WARS1: variants seen among roughly 807,000 people sequenced by gnomAD.
The protein encoded by WARS1 is tryptophan--tRNA ligase, cytoplasmic.
WARS1 carries 17 observed loss-of-function variants against 47.8 expected under a neutral mutation model. The observed-to-expected ratio is 0.36, with a 90% CI of 0.24 to 0.53. The LOEUF (loss-of-function observed/expected upper bound fraction) is 0.53, where lower values mean the gene tolerates loss of function less well. Among genes scored for constraint, WARS1 ranks in the 20% least tolerant of loss-of-function variants. The pLI is 0.91. For synonymous variants in WARS1, 208 were observed against 228.1 expected, an observed-to-expected ratio of 0.91 and a Z score of 0.79; for missense variants, 434 against 608.0, an observed-to-expected ratio of 0.71 and a Z score of 3.01.
chr14:100,334,882 A>G lies in WARS1; in HGVS notation c.1409T>C (p.Phe470Ser), dbSNP rs1227783893. ...GCATATGTAAAACGAGTGCTACTGA[A>G]AGTCGAAGGACAGCTTCCGGGGAGT... The part of the protein sequence containing the change: ...FMTPRKLSFD[F>S]Q The change falls in exon 11 of 11, where the codon TTT (phenylalanine) becomes TCT (serine). Residue 470 changes from phenylalanine to serine, a missense_variant. By Grantham distance (155) the Phe-to-Ser change is radical (BLOSUM62 -2). Coordinates refer to ENST00000392882, the MANE Select transcript of WARS1 (RefSeq NM_004184.4). 10 of 1,613,802 alleles carry G rather than the reference A, an allele frequency of 6.2e-6. No individual in the cohort carries two copies. The highest frequency in any genetic ancestry group is 7.6e-6 in the Non-Finnish European group (9 of 1,179,880).
chr14:100,375,896 G>A (rs930745040), upstream of WARS1: 1 of 152,268 alleles, frequency 6.6e-6, no homozygotes, highest in Admixed American at 6.5e-5. Flanking sequence ...TCTGTGGAAT[G>A]GGCATGGAGA....
At chr14:100,364,096 T>C (rs1895812823) in intron 2 of WARS1, among the ~76,000 whole-genome samples, 1 of 152,200 alleles carries the variant, frequency 6.6e-6, no homozygotes, top group Non-Finnish European at 1.5e-5. Context: ...TACACAGGTG[T>C]GGTCATTTTG....
chr14:100,341,507 T>C (rs1432873998), intron 9 of WARS1, among the ~76,000 whole-genome samples: 1 of 152,138 alleles, frequency 6.6e-6, no homozygotes, highest in Non-Finnish European at 1.5e-5. Context: ...ATGCCTCAAA[T>C]ACAGTTCCCA....
chr14:100,354,226 C>G, intron 5 of WARS1: 1 of 562,058 alleles, frequency 1.8e-6, no homozygotes, highest in Non-Finnish European at 3.0e-6. Context: ...AGAAGAGGAG[C>G]AGGCCTGGCT....
chr14:100,357,177 G>A (rs1895372632), intron 4 of WARS1, among the ~76,000 whole-genome samples: 2 of 152,160 alleles, frequency 1.3e-5, no homozygotes, highest in Non-Finnish European at 2.9e-5. Context: ...ACTAAATGGT[G>A]TATATTCAGT....
At chr14:100,358,538 G>A (rs1184378246) in intron 4 of WARS1, among the ~76,000 whole-genome samples, 1 of 152,132 alleles carries the variant, frequency 6.6e-6, no homozygotes, top group Non-Finnish European at 1.5e-5. Flanking sequence ...ACTCAAAAAG[G>A]ATCAGAAACT....
At chr14:100,338,982 T>C (rs151187126) in intron 9 of WARS1, among the ~76,000 whole-genome samples, 2,467 of 151,766 alleles carry the variant, frequency 0.016, 185 homozygotes, top group Admixed American at 0.13. Flanking sequence ...GTCATGTGCC[T>C]GTAATCCCAG....
chr14:100,376,279 C>T (rs570567497), upstream of WARS1: 384 of 835,936 alleles, frequency 4.6e-4, 2 homozygotes, highest in African/African-American at 6.3e-3. Flanking sequence ...CCGGGCCAGT[C>T]AGCGCTCCCG....
intron 7 of WARS1, 27 bp downstream of exon 7, chr14:100,346,719 G>A (rs1894643776): frequency 6.4e-7 from 1 of 1,559,408 alleles, no homozygotes; most frequent in East Asian, 2.2e-5. Flanking sequence ...TGCAGGGAGT[G>A]GTCCACAGCA....
chr14:100,343,088 G>A lies in WARS1; in HGVS notation c.939+187C>T, dbSNP rs371313050. Among the ~76,000 whole-genome samples the A allele has an allele frequency of 7.2e-5, 11 of 152,314 alleles. No homozygotes were observed. In the East Asian group the frequency reaches 1.9e-3, roughly 27 times the overall value. Reference sequence around the variant, plus strand: ...GACGGGGTTTCGCCATGTTGGCCAGGCTGGTCTTGAACTCCTGGCCTCAAG... The same window carrying A: ...GACGGGGTTTCGCCATGTTGGCCAGACTGGTCTTGAACTCCTGGCCTCAAG... On this transcript the variant is annotated intron_variant, in intron 8 of 10. Coordinates refer to ENST00000392882, the MANE Select transcript of WARS1 (RefSeq NM_004184.4).
At chr14:100,360,696 G>A in intron 3 of WARS1, 34 bp from the exon 4 acceptor site, 1 of 1,528,394 alleles carries the variant, frequency 6.5e-7, no homozygotes, top group Non-Finnish European at 9.1e-7. Context: ...TTCTTAGGTG[G>A]CAGGAGGTTT....
At chr14:100,351,499 CAAAAA>C (rs71464656) in intron 6 of WARS1, among the ~76,000 whole-genome samples, 6 of 115,088 alleles carry the variant, frequency 5.2e-5, no homozygotes, top group Admixed American at 1.8e-4. Context: ...GACTCTGTCT[CAAAAA>C]AAAAAAAAAA....
intron 2 of WARS1, chr14:100,368,396 T>A (rs545840461): frequency 2.2e-6 from 1 of 455,992 alleles, no homozygotes; most frequent in Non-Finnish European, 4.4e-6. Context: ...GCAATACAGA[T>A]GGGGAGACTG....
At chr14:100,369,044 G>C in intron 2 of WARS1, 43 bp downstream of exon 2, 1 of 1,432,284 alleles carries the variant, frequency 7.0e-7, no homozygotes, top group Non-Finnish European at 9.4e-7. Flanking sequence ...ACAGACTTGG[G>C]AGGCTCAGCT....
Position 100,353,772 on chromosome 14 carries a change from A to G in WARS1, c.640T>C (p.Tyr214His). 6.2e-7 allele frequency: 1 copy of G among 1,614,156 alleles called. No homozygotes were observed. Among genetic ancestry groups the G allele is most frequent in the Non-Finnish European group, 8.5e-7 (1 of 1,180,034 alleles). Residue 214 changes from tyrosine (Y) to histidine (H), a missense_variant, in exon 6 of 11, where the codon TAT becomes CAT. By Grantham distance (83) the Tyr-to-His change is moderately conservative. This residue lies in a region of WARS1 where 347 missense variants were observed against 523.8 expected (regional missense o/e 0.66). Coordinates refer to ENST00000392882, the MANE Select transcript of WARS1 (RefSeq NM_004184.4). The stretch of plus-strand genomic sequence containing the variant: ...ATGTCCTTGGCATTCTCCACAGCAT[A>G]GCTATAGGCCTGGTCCAGGGTCAGG... ...KDLTLDQAYSYAVENAKDIIA... is the reference protein window; with the variant it reads ...KDLTLDQAYSHAVENAKDIIA...
At chr14:100,354,190 T>C in intron 5 of WARS1, 1 of 522,462 alleles carries the variant, frequency 1.9e-6, no homozygotes. Flanking sequence ...AGCAGGCCCA[T>C]GGCCATGCAG....
At chr14:100,345,571 C>G (rs1436516835) in intron 7 of WARS1, among the ~76,000 whole-genome samples, 1 of 151,794 alleles carries the variant, frequency 6.6e-6, no homozygotes, top group African/African-American at 2.4e-5. Flanking sequence ...GACCTTTGTT[C>G]ACTTGTTTAT....
chr14:100,357,032 A>G (rs1160000865), intron 4 of WARS1, among the ~76,000 whole-genome samples: 3 of 152,248 alleles, frequency 2.0e-5, no homozygotes, highest in South Asian at 4.1e-4. Flanking sequence ...GTGATACACC[A>G]TACTAATAAA....
chr14:100,373,712 T>C lies in WARS1; in HGVS notation c.-74+1571A>G, dbSNP rs76554536. ...AGGGAAAAACATGTGTCTATAAATA[T>C]CAGAACTCCATTTAAGAAGCACATG... On this transcript the variant is annotated intron_variant, in intron 1 of 10. Coordinates refer to ENST00000392882, the MANE Select transcript of WARS1 (RefSeq NM_004184.4). The surrounding 1 kb of genome is among the most constrained non-coding windows in gnomAD (Gnocchi z 4.4). Among the ~76,000 whole-genome samples, 4,303 of 152,238 alleles carry C rather than the reference T, an allele frequency of 0.028. 204 individuals carry two copies. The highest frequency in any genetic ancestry group is 0.099 in the African/African-American group (4,112 of 41,520).
Sources: allele counts gnomAD v4.1 joint callset (sites outside exome capture counted in the v4.1 genomes callset), GRCh38; gene constraint gnomAD v4.1.1; regional missense constraint gnomAD v4.1.1; non-coding constraint Gnocchi (gnomAD v3.1); transcripts MANE v1.5; gene names NCBI Gene and HGNC (gene_info 2026-07-23, HGNC 2026-07-21).